SPATA7: variants seen among roughly 807,000 people sequenced by gnomAD.
The protein encoded by SPATA7 is spermatogenesis-associated protein 7.
In SPATA7, 43 loss-of-function variants were observed where a neutral mutation model predicts 51.8. That is an observed-to-expected ratio of 0.83 (90% CI 0.65 to 1.07). SPATA7 has a LOEUF of 1.07. Ranked by LOEUF, SPATA7 falls within the 50% of genes least tolerant of loss-of-function variation. The probability of loss-of-function intolerance (pLI) is 0.00; values close to 1 mark genes in which losing one functional copy is unlikely to be tolerated. For missense variants in SPATA7, 683 were observed against 701.3 expected (o/e 0.97, Z 0.30); for synonymous variants, 230 against 252.8 (o/e 0.91, Z 0.86).
chr14:88,465,542 C>T (rs1279376704), intron 4 of SPATA7, among the ~76,000 whole-genome samples: 1 of 150,764 alleles, frequency 6.6e-6, no homozygotes, highest in Non-Finnish European at 1.5e-5. Context: ...CAAAAGACCC[C>T]ACTAATCAGG....
intron 5 of SPATA7, among the ~76,000 whole-genome samples, chr14:88,425,488 T>TA (rs2076764051): frequency 6.6e-6 from 1 of 152,126 alleles, no homozygotes. Flanking sequence ...GATGTGTCCG[T>TA]AAGGGCTGAA....
chr14:88,409,690 G>A (rs1385798451), intron 4 of SPATA7, among the ~76,000 whole-genome samples: 4 of 151,994 alleles, frequency 2.6e-5, no homozygotes, highest in African/African-American at 7.3e-5. Context: ...TTAGGGTGTC[G>A]ATTTTAGATC....
At chr14:88,444,262 T>G (rs2140039486) in intron 3 of SPATA7, among the ~76,000 whole-genome samples, 1 of 152,324 alleles carries the variant, frequency 6.6e-6, no homozygotes, top group Non-Finnish European at 1.5e-5. Flanking sequence ...TCATGTGTTT[T>G]TTGGCTGCAT....
At chr14:88,386,339 T>TA (rs2139848096) in intron 1 of SPATA7, among the ~76,000 whole-genome samples, 1 of 152,298 alleles carries the variant, frequency 6.6e-6, no homozygotes, top group Non-Finnish European at 1.5e-5. Flanking sequence ...AATCTCCCAG[T>TA]AACGAACTAC....
chr14:88,429,253 ATC>A (rs1255639152), intron 7 of SPATA7, 93 bp from the exon 8 acceptor site: 5 of 703,122 alleles, frequency 7.1e-6, no homozygotes, highest in African/African-American at 1.8e-5. Context: ...TCTACTGGAT[ATC>A]TCTGTTCAAT....
At chr14:88,404,234 A>G (rs2076144510) in intron 4 of SPATA7, among the ~76,000 whole-genome samples, 1 of 152,214 alleles carries the variant, frequency 6.6e-6, no homozygotes, top group Non-Finnish European at 1.5e-5. Flanking sequence ...CATACTTTTT[A>G]AAGTATTGAT....
At chr14:88,406,433 A>AC (rs1305699785) in intron 4 of SPATA7, among the ~76,000 whole-genome samples, 1 of 142,828 alleles carries the variant, frequency 7.0e-6, no homozygotes, top group Non-Finnish European at 1.5e-5. Flanking sequence ...CCACTAATCT[A>AC]CTTTTTTTTT....
chr14:88,420,836 C>G (rs1023709393), intron 5 of SPATA7, among the ~76,000 whole-genome samples: 1 of 152,108 alleles, frequency 6.6e-6, no homozygotes, highest in African/African-American at 2.4e-5. Context: ...TAATAACAGG[C>G]TGGGTGTGGT....
At chr14:88,417,297 CT>C (rs2076507736) in intron 5 of SPATA7, among the ~76,000 whole-genome samples, 1 of 106,990 alleles carries the variant, frequency 9.3e-6, no homozygotes, top group South Asian at 3.0e-4. Context: ...CTCTTTTAAT[CT>C]GTGGGGTTTT....
At position 88,433,212 on chromosome 14, in the gene SPATA7, G is replaced by A. The variant is rs868032740; in HGVS notation, c.1160G>A (p.Arg387Lys). 14 of 1,600,604 alleles carry A rather than the reference G, an allele frequency of 8.7e-6. No individual in the cohort carries two copies. In the African/African-American group the frequency reaches 1.7e-4, roughly 20 times the overall value. The change falls in exon 10 of 12, where the codon AGG becomes AAG. Residue 387 changes from arginine (R) to lysine (K), a missense_variant and splice_region_variant. Physicochemically the swap from Arg to Lys is conservative, Grantham distance 26. Transcript: ENST00000393545. ...EILKLGLFSN[R>K]FLERLFERHI... Reference sequence around the variant, plus strand: ...TTGAAACTTGGTTTATTTTCAAACAGGTTAGTTTTTTTAATGGTGTTATGT... The same window carrying A: ...TTGAAACTTGGTTTATTTTCAAACAAGTTAGTTTTTTTAATGGTGTTATGT...
intron 4 of SPATA7, among the ~76,000 whole-genome samples, chr14:88,412,723 T>C (rs1230422507): frequency 2.6e-5 from 4 of 152,236 alleles, no homozygotes; most frequent in African/African-American, 9.6e-5. Flanking sequence ...ATGCATAGTT[T>C]ACAAATATAT....
chr14:88,427,136 C>T (rs17124670), intron 6 of SPATA7, among the ~76,000 whole-genome samples: 2 of 152,094 alleles, frequency 1.3e-5, no homozygotes, highest in Non-Finnish European at 2.9e-5. Context: ...GCAGATATTC[C>T]GGCCAGTCTT....
chr14:88,420,617 A>G (rs2076615133), intron 5 of SPATA7, among the ~76,000 whole-genome samples: 1 of 152,184 alleles, frequency 6.6e-6, no homozygotes, highest in Admixed American at 6.5e-5. Context: ...TTACAAAAAT[A>G]TAGTATAATA....
At chr14:88,454,356 G>A (rs1368887413) in intron 3 of SPATA7, among the ~76,000 whole-genome samples, 2 of 152,020 alleles carry the variant, frequency 1.3e-5, no homozygotes, top group Non-Finnish European at 2.9e-5. Flanking sequence ...GATAATCCAG[G>A]ATAATCCCCC....
intron 4 of SPATA7, chr14:88,467,051 T>TG (rs996543570): frequency 5.3e-5 from 8 of 152,182 alleles, no homozygotes; most frequent in African/African-American, 1.9e-4. Flanking sequence ...GACAGTGCTG[T>TG]GGGGTCCCCT....
chr14:88,443,111 A>G (rs773166527), downstream of SPATA7, among the ~76,000 whole-genome samples: 21 of 151,724 alleles, frequency 1.4e-4, no homozygotes, highest in Non-Finnish European at 2.7e-4. Flanking sequence ...CGCCCAGCTA[A>G]TTTTTGTATT....
At chr14:88,422,724 ATTATT>A (rs1169015142) in intron 5 of SPATA7, among the ~76,000 whole-genome samples, 6 of 151,512 alleles carry the variant, frequency 4.0e-5, no homozygotes, top group Admixed American at 1.3e-4. Context: ...TTGTTAATTT[ATTATT>A]TTATCTGTAT....
intron 3 of SPATA7, among the ~76,000 whole-genome samples, chr14:88,447,714 T>C (rs1009256689): frequency 5.3e-5 from 8 of 152,100 alleles, no homozygotes; most frequent in Non-Finnish European, 1.0e-4. Context: ...TGCTTGTCTG[T>C]AAAGGATTTT....
intron 4 of SPATA7, among the ~76,000 whole-genome samples, chr14:88,401,372 A>G (rs184348071): frequency 8.5e-5 from 13 of 152,352 alleles, no homozygotes; most frequent in African/African-American, 3.1e-4. Flanking sequence ...GCTATATATG[A>G]AAATCTCACA....
Sources: allele counts gnomAD v4.1 joint callset (sites outside exome capture counted in the v4.1 genomes callset), GRCh38; gene constraint gnomAD v4.1.1; transcripts MANE v1.5; gene names NCBI Gene and HGNC (gene_info 2026-07-23, HGNC 2026-07-21).